PHF20: variants seen among roughly 807,000 people sequenced by gnomAD.
The protein encoded by PHF20 is glioma-expressed antigen 2.
PHF20 carries 23 observed loss-of-function variants against 113.5 expected under a neutral mutation model. The observed-to-expected ratio is 0.20, with a 90% confidence interval of 0.15 to 0.29. The LOEUF is 0.29. Among genes scored for constraint, PHF20 ranks in the 10% least tolerant of loss-of-function variants. The pLI is 1.00. For synonymous variants in PHF20, 434 were observed against 457.3 expected (o/e 0.95, Z 0.65); for missense variants, 943 against 1,219.6 (o/e 0.77, Z 3.38).
At chr20:35,915,029 TA>T (rs1047949620) in intron 12 of PHF20, among the ~76,000 whole-genome samples, 67 of 144,226 alleles carry the variant, frequency 4.6e-4, no homozygotes, top group African/African-American at 1.3e-3. Flanking sequence ...TGTATATATG[TA>T]AAAAAAAAGG....
At chr20:35,899,733 A>G in intron 10 of PHF20, 85 bp downstream of exon 10, 3 of 1,407,456 alleles carry the variant, frequency 2.1e-6, no homozygotes, top group Non-Finnish European at 3.0e-6. Flanking sequence ...CAAAGCAGGC[A>G]TTAGGTTTGT....
At chr20:35,936,141 A>C (rs1379118008) in intron 15 of PHF20, among the ~76,000 whole-genome samples, 1 of 152,172 alleles carries the variant, frequency 6.6e-6, no homozygotes, top group African/African-American at 2.4e-5. Context: ...TTTTTAATAA[A>C]GAGCAGGTCT....
chr20:35,836,743 C>G (rs2042447559), intron 2 of PHF20, among the ~76,000 whole-genome samples: 1 of 150,798 alleles, frequency 6.6e-6, no homozygotes, highest in African/African-American at 2.4e-5. Context: ...ACTCGGGAGG[C>G]TGAGGCGGGA....
At chr20:35,920,170 C>T (rs6058365) in intron 13 of PHF20, among the ~76,000 whole-genome samples, 39,304 of 152,086 alleles carry the variant, frequency 0.26, 6,086 homozygotes, top group African/African-American at 0.44. Flanking sequence ...TAAACTGTTT[C>T]AACTGTCTAT....
chr20:35,869,885 C>T (rs1352274878), intron 7 of PHF20, among the ~76,000 whole-genome samples: 2 of 152,086 alleles, frequency 1.3e-5, no homozygotes, highest in East Asian at 1.9e-4. Flanking sequence ...ATTGGCCTGG[C>T]GCAGTGGCTC....
At chr20:35,805,599 CTGGGATTATAGG>C (rs2041866302) in intron 2 of PHF20, among the ~76,000 whole-genome samples, 1 of 151,714 alleles carries the variant, frequency 6.6e-6, no homozygotes, top group South Asian at 2.1e-4. Flanking sequence ...TCCCAAAGTG[CTGGGATTATAGG>C]TGTGAGCCAC....
intron 2 of PHF20, among the ~76,000 whole-genome samples, chr20:35,816,488 C>T (rs2042075622): frequency 6.9e-6 from 1 of 145,620 alleles, no homozygotes; most frequent in Non-Finnish European, 1.5e-5. Flanking sequence ...TTGCTGTTGT[C>T]ATCCAGGCTG....
chr20:35,793,021 C>T (rs1010639528), intron 1 of PHF20, among the ~76,000 whole-genome samples: 13 of 152,286 alleles, frequency 8.5e-5, no homozygotes, highest in East Asian at 7.7e-4. Flanking sequence ...CCTTCCTCCA[C>T]GGCAGAACTT....
chr20:35,782,445 C>T (rs4911520), intron 1 of PHF20: 124,422 of 151,974 alleles, frequency 0.82, 51,165 homozygotes, highest in East Asian at 0.87. Flanking sequence ...CCACCATGCC[C>T]GGCTAATTTT....
intron 2 of PHF20, among the ~76,000 whole-genome samples, chr20:35,813,374 A>C (rs1008444523): frequency 6.6e-6 from 1 of 152,078 alleles, no homozygotes; most frequent in Non-Finnish European, 1.5e-5. Context: ...AATTATCCCA[A>C]ATTTGTCCAG....
intron 2 of PHF20, among the ~76,000 whole-genome samples, chr20:35,810,860 GTTTTA>G (rs2041964486): frequency 6.6e-6 from 1 of 152,086 alleles, no homozygotes; most frequent in African/African-American, 2.4e-5. Flanking sequence ...TGGAGCGTTT[GTTTTA>G]TTATCTCTAG....
chr20:35,786,124 C>T (rs2041407745), intron 1 of PHF20, among the ~76,000 whole-genome samples: 1 of 151,772 alleles, frequency 6.6e-6, no homozygotes, highest in African/African-American at 2.4e-5. Flanking sequence ...CGTGGTGGCT[C>T]ACGCCTGTAA....
chr20:35,886,913 T>G (rs1371349526), intron 9 of PHF20, among the ~76,000 whole-genome samples: 1 of 152,122 alleles, frequency 6.6e-6, no homozygotes, highest in Non-Finnish European at 1.5e-5. Flanking sequence ...AGCTGAGGCC[T>G]CCTTATGGAT....
intron 13 of PHF20, among the ~76,000 whole-genome samples, chr20:35,926,121 CAAAAAAAA>C (rs527440244): frequency 1.4e-5 from 1 of 72,342 alleles, no homozygotes; most frequent in African/African-American, 4.6e-5. Flanking sequence ...GACTCCATCT[CAAAAAAAA>C]AAAAAAAAAA....
intron 2 of PHF20, among the ~76,000 whole-genome samples, chr20:35,834,196 G>C (rs539924212): frequency 6.6e-6 from 1 of 151,048 alleles, no homozygotes; most frequent in Admixed American, 6.6e-5. Context: ...CCTCTCTTCT[G>C]TCTAGTCCTG....
intron 1 of PHF20, chr20:35,774,849 A>C (rs1369104695): frequency 6.6e-6 from 1 of 152,196 alleles, no homozygotes; most frequent in African/African-American, 2.4e-5. Flanking sequence ...TTGGGACTTG[A>C]ATAAAATTAA....
chr20:35,788,878 T>C (rs988715750), intron 1 of PHF20, among the ~76,000 whole-genome samples: 2 of 151,994 alleles, frequency 1.3e-5, no homozygotes, highest in Non-Finnish European at 2.9e-5. Context: ...CCTGGCCAGG[T>C]TATATCATTT....
chr20:35,793,995 C>CAAAAAAAAAAAAAAAAAAAAAAAAAAA (rs56189104), intron 1 of PHF20, among the ~76,000 whole-genome samples: 1 of 33,836 alleles, frequency 3.0e-5, no homozygotes, highest in Non-Finnish European at 5.5e-5. Context: ...GACTCTGTCT[C>CAAAAAAAAAAAAAAAAAAAAAAAAAAA]AAAAAAAAAA....
At chr20:35,839,265 C>T (rs1365447840) in intron 2 of PHF20, among the ~76,000 whole-genome samples, 1 of 151,648 alleles carries the variant, frequency 6.6e-6, no homozygotes, top group Non-Finnish European at 1.5e-5. Flanking sequence ...GTGGCGGGCG[C>T]CTGTAGTCCC....
Sources: allele counts gnomAD v4.1 joint callset (sites outside exome capture counted in the v4.1 genomes callset), GRCh38; gene constraint gnomAD v4.1.1; transcripts MANE v1.5; gene names NCBI Gene and HGNC (gene_info 2026-07-23, HGNC 2026-07-21).